Variants in BCL2L1 observed in about 807,000 individuals in gnomAD.
BCL2L1 encodes bcl-2-like protein 1.
Under a neutral mutation model 18.7 loss-of-function variants are expected in BCL2L1, and 1 was observed. That is an observed-to-expected ratio of 0.05 (90% CI 0.02 to 0.25). The LOEUF (loss-of-function observed/expected upper bound fraction) is 0.25, where lower values mean the gene tolerates loss of function less well. Among genes scored for constraint, BCL2L1 ranks in the 10% least tolerant of loss-of-function variants. The pLI is 1.00. For synonymous variants in BCL2L1, 103 were observed against 122.7 expected (o/e 0.84, Z 1.06); for missense variants, 207 against 304.9 (o/e 0.68, Z 2.39).
At chr20:31,702,068 T>C (rs1174684040) in intron 2 of BCL2L1, among the ~76,000 whole-genome samples, 1 of 152,130 alleles carries the variant, frequency 6.6e-6, no homozygotes, top group Non-Finnish European at 1.5e-5. Context: ...GATTTAGAAA[T>C]AGCATGGCTA....
At chr20:31,699,427 C>G (rs1293658746) in intron 2 of BCL2L1, among the ~76,000 whole-genome samples, 1 of 152,216 alleles carries the variant, frequency 6.6e-6, no homozygotes, top group Non-Finnish European at 1.5e-5. Flanking sequence ...AGGGGATACT[C>G]AGCTGGCTAA....
chr20:31,709,840 CAAAAAAAAAAAA>C (rs56937786), intron 2 of BCL2L1, among the ~76,000 whole-genome samples: 2 of 64,072 alleles, frequency 3.1e-5, no homozygotes, highest in South Asian at 1.2e-3. Flanking sequence ...GACTCCATCT[CAAAAAAAAAAAA>C]AAAAAAAAAA....
intron 2 of BCL2L1, among the ~76,000 whole-genome samples, chr20:31,705,255 G>A (rs759740707): frequency 6.6e-6 from 1 of 152,180 alleles, no homozygotes; most frequent in Non-Finnish European, 1.5e-5. Context: ...TTAAGTGCAA[G>A]TGCTCATTGT....
At chr20:31,706,406 T>C (rs974869196) in intron 2 of BCL2L1, among the ~76,000 whole-genome samples, 1 of 151,496 alleles carries the variant, frequency 6.6e-6, no homozygotes, top group African/African-American at 2.5e-5. Context: ...TTTGCTGAGC[T>C]TTTACTCTGC....
At chr20:31,683,770 A>AT (rs2060905653) in intron 2 of BCL2L1, among the ~76,000 whole-genome samples, 1 of 7,152 alleles carries the variant, frequency 1.4e-4, no homozygotes, top group Non-Finnish European at 2.5e-4. Context: ...ACTCCATCTC[A>AT]AAAAAAAAAA....
chr20:31,691,327 AAC>A (rs2061070688), intron 2 of BCL2L1, among the ~76,000 whole-genome samples: 1 of 151,406 alleles, frequency 6.6e-6, no homozygotes, highest in African/African-American at 2.4e-5. Flanking sequence ...CAGCCTGGCC[AAC>A]ATGTTGAAAC....
intron 2 of BCL2L1, among the ~76,000 whole-genome samples, chr20:31,715,132 T>G (rs2061510238): frequency 6.6e-6 from 1 of 151,744 alleles, no homozygotes; most frequent in African/African-American, 2.4e-5. Flanking sequence ...ATTAGCCGGG[T>G]GTGGTGGCGG....
chr20:31,700,691 G>A (rs2061262903), intron 2 of BCL2L1, among the ~76,000 whole-genome samples: 1 of 152,160 alleles, frequency 6.6e-6, no homozygotes, highest in African/African-American at 2.4e-5. Flanking sequence ...CACCTCTTCT[G>A]TGAAGTCCTT....
intron 2 of BCL2L1, chr20:31,713,422 C>T (rs1222622396): frequency 1.0e-6 from 1 of 985,244 alleles, no homozygotes; most frequent in Non-Finnish European, 1.2e-6. Context: ...AGGGACATTG[C>T]TTTCCAGTTT....
intron 2 of BCL2L1, among the ~76,000 whole-genome samples, chr20:31,709,326 TGTGCGCGC>T (rs2061415850): frequency 6.6e-6 from 1 of 152,130 alleles, no homozygotes; most frequent in Non-Finnish European, 1.5e-5. Flanking sequence ...CGTGTGTGTG[TGTGCGCGC>T]GTGCACGCGT....
intron 2 of BCL2L1, among the ~76,000 whole-genome samples, chr20:31,707,240 T>G (rs2061381383): frequency 6.6e-6 from 1 of 152,208 alleles, no homozygotes; most frequent in South Asian, 2.1e-4. Context: ...GCCCCAAGCT[T>G]CAGGTACCTT....
At chr20:31,698,250 C>CT (rs998030763) in intron 2 of BCL2L1, among the ~76,000 whole-genome samples, 15 of 152,022 alleles carry the variant, frequency 9.9e-5, no homozygotes, top group African/African-American at 3.6e-4. Context: ...TCCAATGACT[C>CT]TTTTTTCTGA....
At chr20:31,667,188 C>G (rs969458714) in intron 2 of BCL2L1, among the ~76,000 whole-genome samples, 5 of 151,992 alleles carry the variant, frequency 3.3e-5, no homozygotes, top group Admixed American at 3.3e-4. Flanking sequence ...AGGCTGGGTG[C>G]GGTGGCTCAT....
intron 2 of BCL2L1, among the ~76,000 whole-genome samples, chr20:31,703,621 A>G (rs574235266): frequency 3.1e-4 from 46 of 149,938 alleles, no homozygotes; most frequent in African/African-American, 1.1e-3. Context: ...CCTCCCGAGT[A>G]GCTGAGAATA....
At chr20:31,707,727 G>A (rs905490790) in intron 2 of BCL2L1, among the ~76,000 whole-genome samples, 10 of 149,750 alleles carry the variant, frequency 6.7e-5, no homozygotes, top group Admixed American at 1.3e-4. Context: ...GTGGTGAGCC[G>A]AGGTGGCACC....
chr20:31,697,896 T>TTTTTTTTTTTGTTTGTTTGTTTTTTG (rs2061206367), intron 2 of BCL2L1, among the ~76,000 whole-genome samples: 3 of 148,736 alleles, frequency 2.0e-5, no homozygotes, highest in African/African-American at 7.7e-5. Context: ...GTTGCTGTTT[T>TTTTTTTTTTTGTTTGTTTGTTTTTTG]TTTTTTTTTG....
chr20:31,679,266 C>G (rs1419225661), intron 2 of BCL2L1, among the ~76,000 whole-genome samples: 3 of 152,192 alleles, frequency 2.0e-5, no homozygotes, highest in Non-Finnish European at 4.4e-5. Context: ...AGCACCACCA[C>G]CAGGAGGCCT....
At chr20:31,701,202 C>T (rs553407749) in intron 2 of BCL2L1, among the ~76,000 whole-genome samples, 14 of 152,126 alleles carry the variant, frequency 9.2e-5, no homozygotes, top group Middle Eastern at 6.8e-3. Flanking sequence ...TACAGGCACG[C>T]GCCACCACAC....
chr20:31,676,806 T>TCG (rs1175813561), intron 2 of BCL2L1, among the ~76,000 whole-genome samples: 1 of 152,214 alleles, frequency 6.6e-6, no homozygotes, highest in Non-Finnish European at 1.5e-5. Context: ...GGTAGTCATC[T>TCG]CGAGGGCATT....
Sources: gnomAD v4.1 joint callset for allele counts (sites outside exome capture counted in the v4.1 genomes callset) on GRCh38, gnomAD v4.1.1 for gene constraint, MANE v1.5 for transcripts, NCBI Gene and HGNC (gene_info 2026-07-23, HGNC 2026-07-21) for gene names.